The following RTRAF variants were observed in gnomAD, a reference collection of about 807,000 sequenced individuals.
RTRAF encodes the protein tRNA-splicing ligase complex subunit RTRAF.
RTRAF carries 14 observed loss-of-function variants against 34.4 expected under a neutral mutation model. The ratio of observed to expected loss-of-function variants is 0.41; its 90% CI spans 0.27 to 0.64. The LOEUF (loss-of-function observed/expected upper bound fraction) is 0.64, where lower values mean the gene tolerates loss of function less well. Ranked by LOEUF, RTRAF falls within the 30% of genes least tolerant of loss-of-function variation. The pLI is 0.34. For synonymous variants in RTRAF, 96 were observed against 95.3 expected, an observed-to-expected ratio of 1.01 and a Z score of -0.04; for missense variants, 291 against 288.4, an observed-to-expected ratio of 1.01 and a Z score of -0.06.
At position 52,006,253 on chromosome 14, in the gene RTRAF, A is replaced by G; in HGVS notation, c.*1737A>G. The G allele has an allele frequency of 2.4e-6, 1 of 412,082 alleles. No homozygotes were observed. The highest frequency in any genetic ancestry group is 4.5e-6 in the Non-Finnish European group (1 of 224,170). The allele number at this position is 412,082 out of a possible 1,614,324, so 25.5% of individuals were successfully genotyped here. On this transcript the variant is annotated 3_prime_UTR_variant, in exon 8 of 8. Transcript: ENST00000261700. ...CTTATTCTCTAAAGAACATATTTAG[A>G]TTAATATGCTCCCTTTTGAGACATT...
chr14:51,996,690 G>A (rs1200540121), intron 3 of RTRAF, among the ~76,000 whole-genome samples: 2 of 151,860 alleles, frequency 1.3e-5, no homozygotes, highest in Non-Finnish European at 2.9e-5. Flanking sequence ...ACACTTTAAA[G>A]TGCATTTCCT....
intron 1 of RTRAF, 125 bp from the exon 2 acceptor site, chr14:51,991,192 G>C (rs1485948198): frequency 1.0e-6 from 1 of 952,468 alleles, no homozygotes; most frequent in African/African-American, 1.7e-5. Flanking sequence ...TCCCTCTTTT[G>C]GTTCAATTAA....
Position 52,004,101 on chromosome 14 carries a change from C to T in RTRAF, c.532-93C>T, listed in dbSNP as rs538305242. 6.4e-6 allele frequency: 7 copies of T among 1,088,378 alleles called. No individual in the cohort carries two copies. The South Asian group carries it at 8.3e-5, about 13-fold the overall frequency. 67.4% of individuals were successfully genotyped at this position (1,088,378 alleles called of 1,614,324 possible). ...GCCCATGCAGCTAAAAGAGTTAAGA[C>T]ACCAGAATAGCTAGGTGCTTTTCAG... On this transcript the variant is annotated intron_variant, in intron 6 of 7. Coordinates refer to ENST00000261700, the MANE Select transcript of RTRAF (RefSeq NM_016039.3).
chr14:52,006,321 C>T lies in RTRAF; in HGVS notation c.*1805C>T, dbSNP rs1413056723. 3.4e-5 allele frequency: 18 copies of T among 524,102 alleles called. No individual in the cohort carries two copies. The Admixed American group carries it at 6.0e-4, about 18-fold the overall frequency. 32.5% of individuals were successfully genotyped at this position (524,102 alleles called of 1,614,324 possible). A position where few individuals can be genotyped will look rare whatever the true frequency, so the allele number is the denominator to read the frequency against. Reference sequence around the variant, plus strand: ...CTTTTTAAGCTATATGTGAGCAATACCATTCGATTTCTGGGTGAAGTAAAA... The same window carrying T: ...CTTTTTAAGCTATATGTGAGCAATATCATTCGATTTCTGGGTGAAGTAAAA... On this transcript the variant is annotated 3_prime_UTR_variant, in exon 8 of 8. Coordinates refer to ENST00000261700, the MANE Select transcript of RTRAF (RefSeq NM_016039.3).
chr14:52,000,863 C>T (rs1291942249), intron 5 of RTRAF, among the ~76,000 whole-genome samples: 3 of 152,048 alleles, frequency 2.0e-5, no homozygotes, highest in African/African-American at 4.8e-5. Flanking sequence ...CAATGCATAG[C>T]GTATTTGGGA....
chr14:51,989,547 T>A lies in RTRAF; in HGVS notation c.-93T>A. 1 of 1,388,824 alleles carries A rather than the reference T, an allele frequency of 7.2e-7. No homozygotes were observed. Among genetic ancestry groups the A allele is most frequent in the Admixed American group, 2.1e-5 (1 of 47,688 alleles). 86.0% of individuals were successfully genotyped at this position (1,388,824 alleles called of 1,614,324 possible). A position where few individuals can be genotyped will look rare whatever the true frequency, so the allele number is the denominator to read the frequency against. On this transcript the variant is annotated 5_prime_UTR_variant, in exon 1 of 8. Coordinates refer to ENST00000261700, the MANE Select transcript of RTRAF (RefSeq NM_016039.3). ...GGAGCGACTCAGCGCCTGCCCGCCC[T>A]CTCGCCGCGTCGCCGGTGCCTGCGC...
Position 52,008,153 on chromosome 14 carries a change from A to C in RTRAF, c.*3637A>C. 2.0e-6 allele frequency: 1 copy of C among 488,866 alleles called. No homozygotes were observed. The highest frequency in any genetic ancestry group is 3.7e-5 in the South Asian group (1 of 27,106). 30.3% of individuals were successfully genotyped at this position (488,866 alleles called of 1,614,324 possible). A position where few individuals can be genotyped will look rare whatever the true frequency, so the allele number is the denominator to read the frequency against. The stretch of plus-strand genomic sequence containing the variant: ...TAGAGTATAGCAGAAGTGATAGGCT[A>C]TCACTGCCGATATTCGGTCTCAAAA... On this transcript the variant is annotated 3_prime_UTR_variant, in exon 8 of 8. Transcript: ENST00000261700.
At chr14:51,994,449 G>A (rs1004653836) in intron 3 of RTRAF, among the ~76,000 whole-genome samples, 1 of 152,142 alleles carries the variant, frequency 6.6e-6, no homozygotes, top group Non-Finnish European at 1.5e-5. Context: ...TACTTTGGAA[G>A]CCTTTTTATA....
chr14:51,999,545 A>C (rs1890570259), intron 4 of RTRAF, 163 bp from the exon 5 acceptor site: 1 of 515,846 alleles, frequency 1.9e-6, no homozygotes, highest in African/African-American at 1.9e-5. Context: ...TTAATTGTTG[A>C]TAGTCTACAG....
At chr14:51,996,702 A>G (rs1283411124) in intron 3 of RTRAF, among the ~76,000 whole-genome samples, 6 of 152,012 alleles carry the variant, frequency 3.9e-5, no homozygotes, top group African/African-American at 1.4e-4. Context: ...GCATTTCCTA[A>G]AAACAACTTT....
At position 51,989,687 on chromosome 14, in the gene RTRAF, C is replaced by T. The variant is rs1392371237; in HGVS notation, c.48C>T (p.Gly16=). The T allele has an allele frequency of 1.2e-6, 2 of 1,604,666 alleles. No homozygotes were observed. Among genetic ancestry groups the T allele is most frequent in the South Asian group, 1.1e-5 (1 of 89,358 alleles). ...LTALDYHNPA[G]FNCKDETEFR... ...CTCTCGACTACCACAACCCCGCCGG[C>T]TTCAACTGCAAAGGTGAGGCGGCGG... Residue 16 remains glycine (G), a synonymous_variant, in exon 1 of 8, where the codon GGC becomes GGT. Coordinates refer to ENST00000261700, the MANE Select transcript of RTRAF (RefSeq NM_016039.3).
At chr14:51,997,200 C>A (rs975895310) in intron 3 of RTRAF, among the ~76,000 whole-genome samples, 1 of 151,830 alleles carries the variant, frequency 6.6e-6, no homozygotes, top group African/African-American at 2.4e-5. Flanking sequence ...TATGTTTTTG[C>A]GCCTCAAGTT....
In RTRAF at chr14:52,009,632, CCA is replaced by C. The variant is rs1289409578; in HGVS notation, c.*5117_*5118del. The C allele has an allele frequency of 6.6e-6, 1 of 152,130 alleles. No homozygotes were observed. The highest frequency in any genetic ancestry group is 1.5e-5 in the Non-Finnish European group (1 of 68,040). The allele number at this position is 152,130 out of a possible 1,614,324, so 9.4% of individuals were successfully genotyped here. On this transcript the variant is annotated 3_prime_UTR_variant, in exon 8 of 8. Transcript: ENST00000261700. ...TAAAAGTATGCTTTTTCCCCAGACT[CCA>C]GAGACATGGCCAAAGTTTCATTGCC...
chr14:52,006,824 C>T lies in RTRAF; in HGVS notation c.*2308C>T. 6.8e-6 allele frequency: 4 copies of T among 589,240 alleles called. No individual in the cohort carries two copies. Among genetic ancestry groups the T allele is most frequent in the Non-Finnish European group, 1.1e-5 (4 of 354,286 alleles). The allele number at this position is 589,240 out of a possible 1,614,324, so 36.5% of individuals were successfully genotyped here. Reference sequence around the variant, plus strand: ...AATTACCTGTCCTATTACTAGTCTCCAGTTTTTAGTAGAGATTCAAACTTT... The same window carrying T: ...AATTACCTGTCCTATTACTAGTCTCTAGTTTTTAGTAGAGATTCAAACTTT... On this transcript the variant is annotated 3_prime_UTR_variant, in exon 8 of 8. Coordinates refer to ENST00000261700, the MANE Select transcript of RTRAF (RefSeq NM_016039.3).
At chr14:51,997,203 C>T (rs1207449029) in intron 3 of RTRAF, among the ~76,000 whole-genome samples, 1 of 151,840 alleles carries the variant, frequency 6.6e-6, no homozygotes, top group East Asian at 1.9e-4. Flanking sequence ...GTTTTTGCGC[C>T]TCAAGTTTCC....
At position 51,989,606 on chromosome 14, in the gene RTRAF, G is replaced by A. The variant is rs777656969; in HGVS notation, c.-34G>A. 2 of 1,579,300 alleles carry A rather than the reference G, an allele frequency of 1.3e-6. No homozygotes were observed. The highest frequency in any genetic ancestry group is 1.2e-5 in the South Asian group (1 of 86,094). On this transcript the variant is annotated 5_prime_UTR_variant, in exon 1 of 8. Coordinates refer to ENST00000261700, the MANE Select transcript of RTRAF (RefSeq NM_016039.3). Reference sequence around the variant, plus strand: ...CCACCTCGCTTCTTCTCTCCCGGCCGAGGCCCGGGGGACCAGAGCGAGAAG... The same window carrying A: ...CCACCTCGCTTCTTCTCTCCCGGCCAAGGCCCGGGGGACCAGAGCGAGAAG...
At chr14:52,003,613 C>G (rs903627663) in intron 6 of RTRAF, among the ~76,000 whole-genome samples, 1 of 152,110 alleles carries the variant, frequency 6.6e-6, no homozygotes, top group East Asian at 1.9e-4. Flanking sequence ...TAGTCACCAT[C>G]TTTAGTATGT....
rs1890736561 is a variant in RTRAF, at chr14:52,005,502, A to AAGAAAGT, written c.*986_*987insAGAAAGT. 1.9e-6 allele frequency: 3 copies of AAGAAAGT among 1,596,854 alleles called. No homozygotes were observed. Among genetic ancestry groups the AAGAAAGT allele is most frequent in the African/African-American group, 1.4e-5 (1 of 73,906 alleles). On this transcript the variant is annotated 3_prime_UTR_variant, in exon 8 of 8. Coordinates refer to ENST00000261700, the MANE Select transcript of RTRAF (RefSeq NM_016039.3). ...TTACTGTACTTACTTTCTTCCTGTG[A>AAGAAAGT]GAGAAGAGCAGGGGTGGGACAGGGT...
chr14:51,989,739 C>G, intron 1 of RTRAF, 39 bp downstream of exon 1: 1 of 1,567,872 alleles, frequency 6.4e-7, no homozygotes, highest in Non-Finnish European at 8.6e-7. Context: ...TGTCCCTGAC[C>G]TGGGCGGAGG....
Sources: allele counts gnomAD v4.1 joint callset (sites outside exome capture counted in the v4.1 genomes callset), GRCh38; gene constraint gnomAD v4.1.1; transcripts MANE v1.5; gene names NCBI Gene and HGNC (gene_info 2026-07-23, HGNC 2026-07-21).